ZMAT4: variants seen among roughly 807,000 people sequenced by gnomAD.
ZMAT4 encodes zinc finger matrin-type 4.
A neutral mutation model predicts 28.7 loss-of-function variants in ZMAT4; 17 were observed. That is an observed-to-expected ratio of 0.59 (90% CI 0.41 to 0.89). The LOEUF (loss-of-function observed/expected upper bound fraction) is 0.89. Ranked by LOEUF, ZMAT4 falls within the 40% of genes least tolerant of loss-of-function variation. The pLI, the probability that ZMAT4 is intolerant of heterozygous loss-of-function variation, is 0.00. For missense variants in ZMAT4, 240 were observed against 283.8 expected (o/e 0.85, Z 1.11); for synonymous variants, 117 against 109.2 (o/e 1.07, Z -0.44).
At chr8:40,712,314 AAACC>A (rs1384562983) in intron 3 of ZMAT4, among the ~76,000 whole-genome samples, 4 of 152,220 alleles carry the variant, frequency 2.6e-5, no homozygotes, top group Non-Finnish European at 5.9e-5. Flanking sequence ...TTTTTATTAA[AAACC>A]AACCAACCCA....
At chr8:40,830,643 A>C (rs963325578) in intron 1 of ZMAT4, among the ~76,000 whole-genome samples, 1 of 152,220 alleles carries the variant, frequency 6.6e-6, no homozygotes, top group East Asian at 1.9e-4. Context: ...ATGAACATGT[A>C]AGTGCAGGTG....
intron 2 of ZMAT4, among the ~76,000 whole-genome samples, chr8:40,805,157 A>C (rs1815025952): frequency 6.6e-6 from 1 of 152,122 alleles, no homozygotes; most frequent in South Asian, 2.1e-4. Flanking sequence ...TCAAAAGAAG[A>C]CATTTATGCA....
At chr8:40,657,002 G>A (rs987149362) in intron 5 of ZMAT4, among the ~76,000 whole-genome samples, 2 of 152,142 alleles carry the variant, frequency 1.3e-5, no homozygotes, top group African/African-American at 4.8e-5. Context: ...ATGTTATGGT[G>A]TGTGAATTAT....
At chr8:40,763,958 C>G (rs534217225) in intron 3 of ZMAT4, among the ~76,000 whole-genome samples, 1 of 151,924 alleles carries the variant, frequency 6.6e-6, no homozygotes, top group African/African-American at 2.4e-5. Flanking sequence ...CAGTTACTTA[C>G]ATTTTGCAAA....
chr8:40,567,944 A>G (rs970724893), intron 6 of ZMAT4, among the ~76,000 whole-genome samples: 1 of 152,164 alleles, frequency 6.6e-6, no homozygotes, highest in East Asian at 1.9e-4. Flanking sequence ...GGTAGCATAA[A>G]GATTCCTGAG....
intron 1 of ZMAT4, among the ~76,000 whole-genome samples, chr8:40,893,935 GA>G (rs1295138396): frequency 6.6e-6 from 1 of 152,158 alleles, no homozygotes; most frequent in African/African-American, 2.4e-5. Context: ...TTTCCTTTAA[GA>G]ATGTAAATAC....
chr8:40,653,669 A>C (rs1807786922), intron 5 of ZMAT4, among the ~76,000 whole-genome samples: 2 of 152,150 alleles, frequency 1.3e-5, no homozygotes, highest in Admixed American at 1.3e-4. Flanking sequence ...AACCTACTTA[A>C]AACAGATAAA....
chr8:40,836,809 C>T (rs888787776), intron 1 of ZMAT4, among the ~76,000 whole-genome samples: 2 of 152,124 alleles, frequency 1.3e-5, no homozygotes, highest in Admixed American at 1.3e-4. Context: ...CAGATGTAAG[C>T]GGTTGCCAGA....
chr8:40,594,141 T>G (rs1805003959), intron 5 of ZMAT4, among the ~76,000 whole-genome samples: 1 of 152,184 alleles, frequency 6.6e-6, no homozygotes, highest in South Asian at 2.1e-4. Context: ...AGCCTGACAC[T>G]GACACCCTGA....
At chr8:40,811,095 T>C (rs1815295807) in intron 2 of ZMAT4, among the ~76,000 whole-genome samples, 2 of 152,082 alleles carry the variant, frequency 1.3e-5, no homozygotes, top group South Asian at 2.1e-4. Context: ...CAAGGCTGAG[T>C]CCAATTCAGT....
At chr8:40,561,789 G>A (rs1803749816) in intron 6 of ZMAT4, among the ~76,000 whole-genome samples, 1 of 152,112 alleles carries the variant, frequency 6.6e-6, no homozygotes, top group Non-Finnish European at 1.5e-5. Flanking sequence ...AATTTTTTTA[G>A]CTCATCAGCT....
At chr8:40,696,965 A>G (rs557318031) in intron 4 of ZMAT4, 2 of 307,860 alleles carry the variant, frequency 6.5e-6, no homozygotes, top group African/African-American at 4.2e-5. Flanking sequence ...AATACACAGT[A>G]GGAATGATAG....
intron 5 of ZMAT4, among the ~76,000 whole-genome samples, chr8:40,644,611 C>T (rs1029580797): frequency 6.6e-6 from 1 of 152,126 alleles, no homozygotes; most frequent in Non-Finnish European, 1.5e-5. Flanking sequence ...ACCTCACATG[C>T]AGAATTATTT....
chr8:40,615,172 C>T (rs1805953097), intron 5 of ZMAT4, among the ~76,000 whole-genome samples: 1 of 152,036 alleles, frequency 6.6e-6, no homozygotes. Flanking sequence ...TTTTATTTCT[C>T]CTTCACTTAT....
intron 1 of ZMAT4, among the ~76,000 whole-genome samples, chr8:40,834,930 G>A (rs1816421981): frequency 6.6e-6 from 1 of 152,228 alleles, no homozygotes; most frequent in African/African-American, 2.4e-5. Flanking sequence ...GCAGCTTTGG[G>A]GAGAGCCCAA....
rs28396249 is a variant in ZMAT4, at chr8:40,732,230, T to G, written c.193-34829A>C. Among the ~76,000 whole-genome samples the G allele has an allele frequency of 4.7e-3, 715 of 152,238 alleles. 3 individuals carry two copies. The highest frequency in any genetic ancestry group is 0.016 in the African/African-American group (681 of 41,516). On this transcript the variant is annotated intron_variant, in intron 3 of 6. Coordinates refer to ENST00000297737, the MANE Select transcript of ZMAT4 (RefSeq NM_024645.3). ...TAAGACGGTAAATTTTATGTATACA[T>G]GTTTTACCCCAATTTTTAAAAATTG...
intron 2 of ZMAT4, among the ~76,000 whole-genome samples, chr8:40,781,544 C>A (rs1255824725): frequency 6.6e-6 from 1 of 151,538 alleles, no homozygotes; most frequent in Admixed American, 6.6e-5. Flanking sequence ...GGGCGGATCA[C>A]GAGGTCAGGA....
chr8:40,546,822 A>T (rs1436152581), intron 6 of ZMAT4, among the ~76,000 whole-genome samples: 1 of 152,198 alleles, frequency 6.6e-6, no homozygotes, highest in African/African-American at 2.4e-5. Flanking sequence ...TATGTGTGGT[A>T]CATAAAGCTG....
chr8:40,851,144 T>C (rs1332491694), intron 1 of ZMAT4, among the ~76,000 whole-genome samples: 1 of 152,084 alleles, frequency 6.6e-6, no homozygotes, highest in East Asian at 1.9e-4. Flanking sequence ...CTGGCCAACA[T>C]GGTGAAACCC....
Sources: allele counts gnomAD v4.1 joint callset (sites outside exome capture counted in the v4.1 genomes callset), GRCh38; gene constraint gnomAD v4.1.1; transcripts MANE v1.5; gene names NCBI Gene and HGNC (gene_info 2026-07-23, HGNC 2026-07-21).